ENTPD6: variants seen among roughly 807,000 people sequenced by gnomAD.
ENTPD6 encodes CD39 antigen-like 2.
ENTPD6 carries 46 observed loss-of-function variants against 61.5 expected under a neutral mutation model. The ratio of observed to expected loss-of-function variants is 0.75; its 90% CI spans 0.59 to 0.96. The LOEUF (loss-of-function observed/expected upper bound fraction) is 0.96, where lower values mean the gene tolerates loss of function less well. Among genes scored for constraint, ENTPD6 ranks in the 40% least tolerant of loss-of-function variants. The pLI is 0.00. For synonymous variants in ENTPD6, 252 were observed against 255.5 expected (o/e 0.99, Z 0.13); for missense variants, 612 against 629.0 (o/e 0.97, Z 0.29).
Position 25,213,334 on chromosome 20 carries a change from C to A in ENTPD6, c.525C>A (p.Thr175=). ...TTCCGTTCGACTTCTGGAAGGCCACCCCTCTGGTCCTCAAGGCCACAGCTG... is the reference window on the plus strand; with the variant it reads ...TTCCGTTCGACTTCTGGAAGGCCACACCTCTGGTCCTCAAGGCCACAGCTG... ...QDIPFDFWKA[T]PLVLKATAGL... is the part of the protein sequence containing the mutation. Residue 175 remains threonine, a synonymous_variant, in exon 5 of 15, where the codon ACC becomes ACA. Coordinates refer to ENST00000376652, the MANE Select transcript of ENTPD6 (RefSeq NM_001247.5). The A allele has an allele frequency of 2.5e-6, 4 of 1,614,198 alleles. No homozygotes were observed. The highest frequency in any genetic ancestry group is 3.4e-6 in the Non-Finnish European group (4 of 1,180,026).
chr20:25,225,418 C>G, intron 14 of ENTPD6, 81 bp from the exon 15 acceptor site: 1 of 1,578,418 alleles, frequency 6.3e-7, no homozygotes, highest in South Asian at 1.2e-5. Flanking sequence ...CCATCCCTGG[C>G]TTCCAAGGAG....
intron 11 of ENTPD6, 79 bp downstream of exon 11, chr20:25,221,412 C>A: frequency 9.3e-7 from 1 of 1,073,116 alleles, no homozygotes; most frequent in East Asian, 2.4e-5. Flanking sequence ...TCCCACATCC[C>A]ATGGGACGTT....
intron 5 of ENTPD6, chr20:25,214,664 A>G (rs1409266868): frequency 5.2e-6 from 3 of 572,706 alleles, no homozygotes; most frequent in Non-Finnish European, 9.4e-6. Flanking sequence ...GCATGATGCA[A>G]AACCCTTAAC....
chr20:25,217,508 C>G lies in ENTPD6; in HGVS notation c.805C>G (p.Leu269Val). Residue 269 changes from leucine (L) to valine (V), a missense_variant, in exon 9 of 15, where the codon CTG (leucine) becomes GTG (valine). Physicochemically the swap from Leu to Val is conservative, Grantham distance 32. Coordinates refer to ENST00000376652, the MANE Select transcript of ENTPD6 (RefSeq NM_001247.5). ...TACCCTCGTTCTTCTCCAGGGCACC[C>G]TGCAGGCCTCCCCACCCGGCTACCT... ...IAFLPRVEGT[L>V]QASPPGYLTA... The G allele has an allele frequency of 1.2e-6, 2 of 1,614,160 alleles. No homozygotes were observed. Among genetic ancestry groups the G allele is most frequent in the South Asian group, 1.1e-5 (1 of 91,082 alleles).
chr20:25,221,357 T>G (rs1203525321), intron 11 of ENTPD6, 24 bp downstream of exon 11: 5 of 1,589,338 alleles, frequency 3.1e-6, no homozygotes, highest in Non-Finnish European at 4.3e-6. Flanking sequence ...TGCTGCCTGT[T>G]GGTTTCTGCG....
At chr20:25,208,288 A>G (rs912523152) in intron 3 of ENTPD6, among the ~76,000 whole-genome samples, 3 of 152,210 alleles carry the variant, frequency 2.0e-5, no homozygotes, top group African/African-American at 7.2e-5. Flanking sequence ...TTTAGATGCC[A>G]TATCTGCTTA....
chr20:25,203,995 G>A (rs998709251), intron 1 of ENTPD6, among the ~76,000 whole-genome samples: 6 of 152,216 alleles, frequency 3.9e-5, no homozygotes, highest in African/African-American at 1.4e-4. Flanking sequence ...CCCTGGGCCT[G>A]TGTATGTGTT....
In ENTPD6 at chr20:25,217,515, C is replaced by T; in HGVS notation, c.812C>T (p.Ala271Val). 6.2e-7 allele frequency: 1 copy of T among 1,614,146 alleles called. No individual in the cohort carries two copies. Among genetic ancestry groups the T allele is most frequent in the South Asian group, 1.1e-5 (1 of 91,082 alleles). The change falls in exon 9 of 15, where the codon GCC (alanine) becomes GTC (valine). Residue 271 changes from alanine (A) to valine (V), a missense_variant. Physicochemically the swap from Ala to Val is moderately conservative, Grantham distance 64. Coordinates refer to ENST00000376652, the MANE Select transcript of ENTPD6 (RefSeq NM_001247.5). The stretch of plus-strand genomic sequence containing the variant: ...GTTCTTCTCCAGGGCACCCTGCAGG[C>T]CTCCCCACCCGGCTACCTGACGGCA... ...FLPRVEGTLQ[A>V]SPPGYLTALR...
In ENTPD6 at chr20:25,213,300, A is replaced by C; in HGVS notation, c.491A>C (p.Lys164Thr). Residue 164 changes from lysine (K) to threonine (T), a missense_variant, in exon 5 of 15, where the codon AAA becomes ACA. Transcript: ENST00000376652. ...ATCCGGGAACTACTGGATGTTGCTA[A>C]ACAGGACATTCCGTTCGACTTCTGG... ...QGIRELLDVA[K>T]QDIPFDFWKA... 6.2e-7 allele frequency: 1 copy of C among 1,614,264 alleles called. No individual in the cohort carries two copies. The highest frequency in any genetic ancestry group is 8.5e-7 in the Non-Finnish European group (1 of 1,180,048).
chr20:25,226,795 C>G lies in ENTPD6; in HGVS notation c.*1198C>G, dbSNP rs1292568255. 1.3e-5 allele frequency: 2 copies of G among 152,318 alleles called. No homozygotes were observed. The highest frequency in any genetic ancestry group is 1.3e-4 in the Admixed American group (2 of 15,286). The allele number at this position is 152,318 out of a possible 1,614,324, so 9.4% of individuals were successfully genotyped here. A position where few individuals can be genotyped will look rare whatever the true frequency, so the allele number is the denominator to read the frequency against. On this transcript the variant is annotated 3_prime_UTR_variant, in exon 15 of 15. Coordinates refer to ENST00000376652, the MANE Select transcript of ENTPD6 (RefSeq NM_001247.5). ...CACCTGAGATCCCTGTTTACTAAAC[C>G]TTAGAAAAGCTGCCAAAGGGGGTGG...
intron 4 of ENTPD6, among the ~76,000 whole-genome samples, chr20:25,211,416 G>A (rs939412657): frequency 6.6e-6 from 1 of 152,198 alleles, no homozygotes; most frequent in Admixed American, 6.5e-5. Flanking sequence ...CAGGGTAGTA[G>A]CACAGATGTC....
chr20:25,222,691 A>G (rs990704246), intron 11 of ENTPD6, 147 bp from the exon 12 acceptor site: 18 of 1,053,844 alleles, frequency 1.7e-5, no homozygotes, highest in South Asian at 1.4e-4. Context: ...AGCAGCCCCA[A>G]CTTGGGGTGG....
At chr20:25,218,389 C>T (rs999589223) in intron 9 of ENTPD6, among the ~76,000 whole-genome samples, 161 bp from the exon 10 acceptor site, 2 of 152,216 alleles carry the variant, frequency 1.3e-5, no homozygotes, top group Non-Finnish European at 2.9e-5. Context: ...AGCTAAGTTT[C>T]CTCAACTCTA....
chr20:25,198,728 G>A (rs1202380881), intron 1 of ENTPD6, among the ~76,000 whole-genome samples: 1 of 137,188 alleles, frequency 7.3e-6, no homozygotes, highest in Non-Finnish European at 1.7e-5. Context: ...GACATTCCTA[G>A]TGCCACGTCT....
At chr20:25,222,145 G>C (rs954999258) in intron 11 of ENTPD6, 1 of 153,524 alleles carries the variant, frequency 6.5e-6, no homozygotes, top group African/African-American at 2.4e-5. Flanking sequence ...AGCACACACC[G>C]GGGCCCTCTG....
chr20:25,198,414 G>C (rs763234759), intron 1 of ENTPD6, among the ~76,000 whole-genome samples: 1 of 152,048 alleles, frequency 6.6e-6, no homozygotes, highest in Non-Finnish European at 1.5e-5. Context: ...GGCAGAGGTT[G>C]CAGTAAGCTG....
In ENTPD6 at chr20:25,221,187, G is replaced by A. The variant is rs771392969; in HGVS notation, c.944-45G>A. On this transcript the variant is annotated intron_variant, in intron 10 of 14. Transcript: ENST00000376652. ...TCCTAGCTCAGCCCTAGTCCATGGC[G>A]GTGATATACCTTCCTTTCTCTTTCC... is the stretch of plus-strand genomic sequence containing the variant. The A allele has an allele frequency of 1.1e-5, 17 of 1,487,884 alleles. 1 individual carries two copies. The highest frequency in any genetic ancestry group is 4.8e-5 in the South Asian group (4 of 82,964). The allele number at this position is 1,487,884 out of a possible 1,614,324, so 92.2% of individuals were successfully genotyped here.
chr20:25,223,027 C>CGGGGGGGGGGGGGGGCTGGGGGG, intron 12 of ENTPD6, 49 bp downstream of exon 12: 1 of 490,370 alleles, frequency 2.0e-6, no homozygotes, highest in Non-Finnish European at 3.2e-6. Flanking sequence ...CGGCAGGGGG[C>CGGGGGGGGGGGGGGGCTGGGGGG]GGGGGTGGAG....
chr20:25,197,016 C>A, intron 1 of ENTPD6: 1 of 905,524 alleles, frequency 1.1e-6, no homozygotes, highest in Non-Finnish European at 1.3e-6. Context: ...GCGGTTCACG[C>A]ACCGGTTTTT....
Sources: gnomAD v4.1 joint callset for allele counts (sites outside exome capture counted in the v4.1 genomes callset) on GRCh38, gnomAD v4.1.1 for gene constraint, MANE v1.5 for transcripts, NCBI Gene and HGNC (gene_info 2026-07-23, HGNC 2026-07-21) for gene names.